Variants in TMEM108 observed in about 807,000 individuals in gnomAD.
The protein encoded by TMEM108 is transmembrane protein 108.
Under a neutral mutation model 35.1 loss-of-function variants are expected in TMEM108, and 12 were observed. The ratio of observed to expected loss-of-function variants is 0.34; its 90% CI spans 0.22 to 0.55. The LOEUF (loss-of-function observed/expected upper bound fraction) is 0.55. Ranked by LOEUF, TMEM108 falls within the 20% of genes least tolerant of loss-of-function variation. The pLI, the probability that TMEM108 is intolerant of heterozygous loss-of-function variation, is 0.89. For synonymous variants in TMEM108, 287 were observed against 308.6 expected (o/e 0.93, Z 0.73); for missense variants, 680 against 753.3 (o/e 0.90, Z 1.14).
intron 3 of TMEM108, among the ~76,000 whole-genome samples, chr3:133,266,639 G>T (rs1348706150): frequency 6.6e-6 from 1 of 152,190 alleles, no homozygotes; most frequent in Non-Finnish European, 1.5e-5. Context: ...ATTCTGATAT[G>T]TTCTCCTGAT....
At chr3:133,241,063 T>A (rs78902214) in intron 3 of TMEM108, among the ~76,000 whole-genome samples, 26,854 of 152,100 alleles carry the variant, frequency 0.18, 2,791 homozygotes, top group East Asian at 0.39. Flanking sequence ...AGAACTGTCG[T>A]CTTTGTTAAA....
At chr3:133,363,416 A>T (rs1208579786) in intron 3 of TMEM108, among the ~76,000 whole-genome samples, 3 of 146,116 alleles carry the variant, frequency 2.1e-5, no homozygotes, top group Admixed American at 6.8e-5. Flanking sequence ...GCTTTTCATT[A>T]TTTTTTTTTT....
At chr3:133,196,737 GC>G (rs1487767334) in intron 2 of TMEM108, among the ~76,000 whole-genome samples, 1 of 152,166 alleles carries the variant, frequency 6.6e-6, no homozygotes, top group Non-Finnish European at 1.5e-5. Flanking sequence ...GCTCCATGAT[GC>G]CATTGACATC....
At chr3:133,050,228 C>G (rs572986599) in intron 2 of TMEM108, among the ~76,000 whole-genome samples, 1 of 152,148 alleles carries the variant, frequency 6.6e-6, no homozygotes. Context: ...TGGATAGAAC[C>G]TGGACTTGAT....
chr3:133,261,687 G>A (rs927357939), intron 3 of TMEM108, among the ~76,000 whole-genome samples: 2 of 152,206 alleles, frequency 1.3e-5, no homozygotes, highest in African/African-American at 4.8e-5. Flanking sequence ...AATAAACGTT[G>A]ATGGAGGTTT....
At chr3:133,155,194 T>C (rs937533794) in intron 2 of TMEM108, among the ~76,000 whole-genome samples, 2 of 152,208 alleles carry the variant, frequency 1.3e-5, no homozygotes, top group Non-Finnish European at 2.9e-5. Context: ...GATCTCATTC[T>C]TTTCTATGGC....
chr3:133,149,762 T>A (rs76798270), intron 2 of TMEM108, among the ~76,000 whole-genome samples: 1 of 152,120 alleles, frequency 6.6e-6, no homozygotes, highest in Non-Finnish European at 1.5e-5. Context: ...CTCAGGTACA[T>A]ATACATAAGG....
At position 133,049,961 on chromosome 3, in the gene TMEM108, C is replaced by CA. The variant is rs551466710; in HGVS notation, c.-47+3942dup. On this transcript the variant is annotated intron_variant, in intron 2 of 5. Coordinates refer to ENST00000321871, the MANE Select transcript of TMEM108 (RefSeq NM_023943.4). ...TCTCTAAAGCAAGTTTTCCAACAGA[C>CA]ATATTACAGCACAGATTTAGTAATT... is the stretch of plus-strand genomic sequence containing the variant. Among the ~76,000 whole-genome samples, 350 of 152,270 alleles carry CA rather than the reference C, an allele frequency of 2.3e-3. 3 individuals are homozygous for CA. Among genetic ancestry groups the CA allele is most frequent in the African/African-American group, 7.9e-3 (329 of 41,560 alleles).
chr3:133,330,818 A>G (rs2071385349), intron 3 of TMEM108, among the ~76,000 whole-genome samples: 1 of 152,188 alleles, frequency 6.6e-6, no homozygotes, highest in Non-Finnish European at 1.5e-5. Flanking sequence ...AACAGAGTAT[A>G]TCAGGCTAAG....
chr3:133,226,074 G>C (rs1399025619), intron 2 of TMEM108, among the ~76,000 whole-genome samples: 1 of 152,212 alleles, frequency 6.6e-6, no homozygotes, highest in Non-Finnish European at 1.5e-5. Flanking sequence ...AGGGCTTACA[G>C]GTCATAGGTG....
intron 2 of TMEM108, among the ~76,000 whole-genome samples, chr3:133,115,470 G>T (rs1449132754): frequency 6.6e-6 from 1 of 152,188 alleles, no homozygotes; most frequent in African/African-American, 2.4e-5. Flanking sequence ...AGGAAACTGA[G>T]GTTCAAAGAG....
chr3:133,162,223 A>G (rs1944971568), intron 2 of TMEM108, among the ~76,000 whole-genome samples: 1 of 152,084 alleles, frequency 6.6e-6, no homozygotes, highest in Non-Finnish European at 1.5e-5. Context: ...TTGAACCCAG[A>G]ATAGAAGGAG....
At chr3:133,056,733 A>G (rs944318199) in intron 2 of TMEM108, among the ~76,000 whole-genome samples, 12 of 152,114 alleles carry the variant, frequency 7.9e-5, no homozygotes, top group Non-Finnish European at 1.3e-4. Flanking sequence ...CCTTCTACCT[A>G]TGATCGTGAA....
intron 2 of TMEM108, among the ~76,000 whole-genome samples, chr3:133,186,574 C>T (rs1247201583): frequency 2.0e-5 from 3 of 152,138 alleles, no homozygotes; most frequent in Non-Finnish European, 2.9e-5. Flanking sequence ...TAAGTGGAAA[C>T]AGAAATGTCA....
intron 2 of TMEM108, among the ~76,000 whole-genome samples, chr3:133,067,131 A>G (rs116672831): frequency 0.028 from 4,193 of 152,160 alleles, 99 homozygotes; most frequent in South Asian, 0.061. Flanking sequence ...TATGTGTGAG[A>G]CTTTCTCTAG....
intron 4 of TMEM108, chr3:133,389,298 CTG>C (rs1034851079): frequency 3.0e-6 from 3 of 985,446 alleles, no homozygotes; most frequent in African/African-American, 3.5e-5. Context: ...ACATGTCACA[CTG>C]TGCTCAGTCA....
intron 3 of TMEM108, among the ~76,000 whole-genome samples, chr3:133,295,806 T>C (rs572246856): frequency 6.6e-6 from 1 of 152,312 alleles, no homozygotes; most frequent in East Asian, 1.9e-4. Flanking sequence ...CCAGAAGTTA[T>C]GATGTTGGAT....
chr3:133,194,468 C>T (rs1333518757), intron 2 of TMEM108, among the ~76,000 whole-genome samples: 2 of 152,084 alleles, frequency 1.3e-5, no homozygotes, highest in African/African-American at 4.8e-5. Context: ...AATAAGTTGC[C>T]TTTTCTGGTA....
intron 2 of TMEM108, among the ~76,000 whole-genome samples, chr3:133,133,194 A>G (rs1318764550): frequency 6.6e-6 from 1 of 152,180 alleles, no homozygotes; most frequent in African/African-American, 2.4e-5. Flanking sequence ...ATTGACTCCA[A>G]TTTTGAAAGA....
Sources: gnomAD v4.1 joint callset for allele counts (sites outside exome capture counted in the v4.1 genomes callset) on GRCh38, gnomAD v4.1.1 for gene constraint, MANE v1.5 for transcripts, NCBI Gene and HGNC (gene_info 2026-07-23, HGNC 2026-07-21) for gene names.